The following CALN1 variants were observed in gnomAD, a reference collection of about 807,000 sequenced individuals.
CALN1 encodes calneuron 1.
Under a neutral mutation model 30.6 loss-of-function variants are expected in CALN1, and 17 were observed. The observed-to-expected ratio is 0.56, with a 90% CI of 0.38 to 0.83. CALN1 has a LOEUF of 0.83. CALN1 is among the 40% of genes least tolerant of loss of function. CALN1 has a pLI of 0.00. For missense variants in CALN1, 291 were observed against 354.9 expected, an observed-to-expected ratio of 0.82 and a Z score of 1.45; for synonymous variants, 156 against 131.4, an observed-to-expected ratio of 1.19 and a Z score of -1.28.
intron 3 of CALN1, among the ~76,000 whole-genome samples, chr7:72,234,844 C>A (rs951306794): frequency 2.0e-5 from 3 of 152,156 alleles, no homozygotes; most frequent in Non-Finnish European, 4.4e-5. Context: ...CGGTAGATAT[C>A]CCCTAAGTAC....
chr7:71,797,192 C>T (rs763004833), intron 6 of CALN1, among the ~76,000 whole-genome samples: 6 of 152,106 alleles, frequency 3.9e-5, no homozygotes, highest in South Asian at 2.1e-4. Context: ...ATCAGAGCCA[C>T]GAAAATTCTG....
intron 5 of CALN1, among the ~76,000 whole-genome samples, chr7:71,963,711 A>C (rs560584527): frequency 6.6e-6 from 1 of 151,972 alleles, no homozygotes; most frequent in South Asian, 2.1e-4. Flanking sequence ...TTTATATGTA[A>C]TACTGATACA....
At chr7:72,267,088 G>C (rs892375304) in intron 3 of CALN1, among the ~76,000 whole-genome samples, 2 of 152,198 alleles carry the variant, frequency 1.3e-5, no homozygotes, top group Non-Finnish European at 2.9e-5. Context: ...TCAGATAAGA[G>C]TTGTGAGCTT....
chr7:72,473,967 G>A, the CALN1 span, among the ~76,000 whole-genome samples: 1 of 150,230 alleles, frequency 6.7e-6, no homozygotes, highest in East Asian at 1.9e-4. Flanking sequence ...AAGTGAATAA[G>A]TAAAGCCAAT....
intron 4 of CALN1, among the ~76,000 whole-genome samples, chr7:72,093,513 T>G (rs1292336457): frequency 6.6e-6 from 1 of 152,182 alleles, no homozygotes; most frequent in African/African-American, 2.4e-5. Flanking sequence ...CTGCATGCAT[T>G]AGCATTATGA....
chr7:71,948,053 G>T (rs557236743), intron 5 of CALN1, among the ~76,000 whole-genome samples: 1 of 152,182 alleles, frequency 6.6e-6, no homozygotes, highest in African/African-American at 2.4e-5. Flanking sequence ...CCCAGATTTT[G>T]TTCAGGTGAT....
At chr7:72,337,422 GCA>G (rs5884886) in intron 2 of CALN1, among the ~76,000 whole-genome samples, 145,828 of 150,804 alleles carry the variant, frequency 0.97, 70,594 homozygotes, top group East Asian at 1. Flanking sequence ...ACACTCGCGC[GCA>G]CACACACACA....
At chr7:72,215,148 G>A (rs1404021167) in intron 3 of CALN1, among the ~76,000 whole-genome samples, 1 of 152,158 alleles carries the variant, frequency 6.6e-6, no homozygotes, top group Admixed American at 6.6e-5. Context: ...GGTGGCAAAA[G>A]GGCTGCGGAC....
intron 3 of CALN1, among the ~76,000 whole-genome samples, chr7:72,199,476 G>A (rs888847042): frequency 3.9e-5 from 6 of 152,088 alleles, no homozygotes; most frequent in Admixed American, 1.3e-4. Context: ...AGGCTGAGCC[G>A]GGGGGCATTG....
At chr7:72,039,382 C>A (rs886946821) in intron 4 of CALN1, among the ~76,000 whole-genome samples, 1 of 152,198 alleles carries the variant, frequency 6.6e-6, no homozygotes, top group African/African-American at 2.4e-5. Flanking sequence ...CCTGTTCGAG[C>A]TTCCCTGTCT....
intron 3 of CALN1, among the ~76,000 whole-genome samples, chr7:72,268,956 G>A (rs1796781887): frequency 6.6e-6 from 1 of 152,142 alleles, no homozygotes; most frequent in Admixed American, 6.6e-5. Flanking sequence ...TCAGGCAAAT[G>A]ACAACAGGCA....
intron 3 of CALN1, among the ~76,000 whole-genome samples, chr7:72,212,148 G>T (rs549644335): frequency 2.0e-5 from 3 of 152,032 alleles, no homozygotes; most frequent in East Asian, 3.9e-4. Context: ...GTCAGGAGAT[G>T]GAGACCATCC....
At chr7:72,258,272 G>T (rs917567517) in intron 3 of CALN1, among the ~76,000 whole-genome samples, 1 of 152,146 alleles carries the variant, frequency 6.6e-6, no homozygotes, top group Non-Finnish European at 1.5e-5. Context: ...TTATAGGCAG[G>T]CAATCTTTGA....
chr7:72,278,020 AC>A (rs1797466647), intron 3 of CALN1, among the ~76,000 whole-genome samples: 1 of 74,872 alleles, frequency 1.3e-5, no homozygotes, highest in Admixed American at 1.4e-4. Context: ...GGGGGGGGGG[AC>A]TTGTTTTTCC....
chr7:72,212,217 C>T (rs909181085), intron 3 of CALN1, among the ~76,000 whole-genome samples: 8 of 151,976 alleles, frequency 5.3e-5, no homozygotes, highest in Non-Finnish European at 7.4e-5. Context: ...GGCGTGGTGG[C>T]AGGCACCTGT....
intron 2 of CALN1, among the ~76,000 whole-genome samples, chr7:72,350,027 A>G (rs992864400): frequency 6.6e-6 from 1 of 152,152 alleles, no homozygotes; most frequent in African/African-American, 2.4e-5. Context: ...CCAGAATGGT[A>G]TCTTCTAGGT....
intron 3 of CALN1, among the ~76,000 whole-genome samples, chr7:72,171,355 T>C (rs903015027): frequency 1.3e-5 from 2 of 152,032 alleles, no homozygotes; most frequent in African/African-American, 4.8e-5. Context: ...CCAGGTGTGG[T>C]GGTACACACC....
chr7:72,393,916 C>T (rs1377117322), intron 2 of CALN1, among the ~76,000 whole-genome samples: 3 of 151,938 alleles, frequency 2.0e-5, no homozygotes, highest in Admixed American at 6.6e-5. Context: ...TGCCTGGCCT[C>T]GGAGCACTCT....
chr7:72,282,679 G>C (rs896746114), intron 2 of CALN1, among the ~76,000 whole-genome samples: 3 of 152,166 alleles, frequency 2.0e-5, no homozygotes, highest in Admixed American at 1.3e-4. Context: ...TAGAACTGTA[G>C]GCAATGAATG....
Sources: allele counts gnomAD v4.1 joint callset (sites outside exome capture counted in the v4.1 genomes callset), GRCh38; gene constraint gnomAD v4.1.1; transcripts MANE v1.5; gene names NCBI Gene and HGNC (gene_info 2026-07-23, HGNC 2026-07-21).